The following ANO3 variants were observed in gnomAD, a reference collection of about 807,000 sequenced individuals.
ANO3 encodes anoctamin-3.
Under a neutral mutation model 144.8 loss-of-function variants are expected in ANO3, and 99 were observed. That is an observed-to-expected ratio of 0.68 (90% CI 0.58 to 0.81). The LOEUF is 0.81. Ranked by LOEUF, ANO3 falls within the 30% of genes least tolerant of loss-of-function variation. The pLI, the probability that ANO3 is intolerant of heterozygous loss-of-function variation, is 0.00. For synonymous variants in ANO3, 414 were observed against 392.6 expected (o/e 1.05, Z -0.64); for missense variants, 905 against 1,202.2 (o/e 0.75, Z 3.66).
At chr11:26,306,646 A>G (rs1165555297), upstream of ANO3, among the ~76,000 whole-genome samples, 1 of 152,208 alleles carries the variant, frequency 6.6e-6, no homozygotes, top group African/African-American at 2.4e-5. Flanking sequence ...CCTGGATGAC[A>G]GAGTGAGATC....
chr11:26,365,959 TATATATATATATATATATATA>T, intron 1 of ANO3, among the ~76,000 whole-genome samples: 1 of 452 alleles, frequency 2.2e-3, no homozygotes, highest in African/African-American at 2.7e-3. Flanking sequence ...TTTCTTTATA[TATATATATATATATATATATA>T]TATATATATA....
intron 1 of ANO3, among the ~76,000 whole-genome samples, chr11:26,372,148 G>A (rs1032043728): frequency 5.3e-5 from 8 of 151,832 alleles, no homozygotes; most frequent in Admixed American, 1.3e-4. Context: ...TCATGAGGGT[G>A]GTTTTCCCCA....
rs1260634667 is a variant in ANO3, at chr11:26,443,833, T to G, written c.310T>G (p.Leu104Val). 4 of 1,609,920 alleles carry G rather than the reference T, an allele frequency of 2.5e-6. No homozygotes were observed. Among genetic ancestry groups the G allele is most frequent in the Non-Finnish European group, 3.4e-6 (4 of 1,177,130 alleles). The change falls in exon 3 of 27, where the codon TTG (leucine) becomes GTG (valine). Residue 104 changes from leucine (L) to valine (V), a missense_variant. This residue lies in a region of ANO3 where 174 missense variants were observed against 171.9 expected (regional missense o/e 1.01). Coordinates refer to ENST00000256737, the MANE Select transcript of ANO3 (RefSeq NM_031418.4). ...CSFADLSDFC[L>V]ALGKDKDYTD... ...ATTTGCTGACCTCAGCGATTTTTGTTTGGGTAAGTTGATAATCAGTATTTA... is the reference window on the plus strand; with the variant it reads ...ATTTGCTGACCTCAGCGATTTTTGTGTGGGTAAGTTGATAATCAGTATTTA...
At chr11:26,292,906 G>A (rs1325842297) in intron 1 of ANO3, among the ~76,000 whole-genome samples, 1 of 152,212 alleles carries the variant, frequency 6.6e-6, no homozygotes, top group East Asian at 1.9e-4. Flanking sequence ...GAGGCAGTCT[G>A]TCCGTTCTCA....
intron 14 of ANO3, among the ~76,000 whole-genome samples, chr11:26,580,089 A>G: frequency 8.0e-6 from 1 of 124,894 alleles, no homozygotes; most frequent in African/African-American, 3.0e-5. Flanking sequence ...TCACAAATTT[A>G]TAAATTTTTT....
intron 1 of ANO3, among the ~76,000 whole-genome samples, chr11:26,409,697 T>C (rs1857382129): frequency 2.6e-5 from 4 of 152,044 alleles, no homozygotes; most frequent in Admixed American, 2.6e-4. Flanking sequence ...TCTACTTTTT[T>C]CTTATCAGAT....
chr11:26,190,783 C>A (rs1444830565), intron 1 of ANO3, among the ~76,000 whole-genome samples: 4 of 152,148 alleles, frequency 2.6e-5, no homozygotes, highest in African/African-American at 9.7e-5. Context: ...GAGATGCATA[C>A]TATGAACAGC....
intron 14 of ANO3, among the ~76,000 whole-genome samples, chr11:26,586,072 A>G (rs970220696): frequency 1.3e-5 from 2 of 152,096 alleles, no homozygotes; most frequent in Non-Finnish European, 2.9e-5. Flanking sequence ...CTGCTCTTCT[A>G]CCTCTTCCAT....
At chr11:26,228,474 C>T (rs1852303308) in intron 1 of ANO3, among the ~76,000 whole-genome samples, 2 of 152,172 alleles carry the variant, frequency 1.3e-5, no homozygotes, top group South Asian at 4.1e-4. Context: ...TCAACAAACA[C>T]AAGATAAGTT....
rs1457569110 is a variant in ANO3 at position 26,230,127 on chromosome 11, CAT to C, written c.154+40802_154+40803del. ...CTAAAAGAGCTGCTCTTTCTAGACA[CAT>C]ATATTATAATGAGAAAAATCATGGA... On this transcript the variant is annotated intron_variant, in intron 1 of 27. Transcript: ENST00000672621. Among the ~76,000 whole-genome samples, 23 of 152,114 alleles carry C rather than the reference CAT, an allele frequency of 1.5e-4. 1 individual carries two copies. Among genetic ancestry groups the C allele is most frequent in the Admixed American group, 1.4e-3 (21 of 15,276 alleles).
At chr11:26,273,079 A>G (rs1380202970) in intron 1 of ANO3, among the ~76,000 whole-genome samples, 1 of 152,164 alleles carries the variant, frequency 6.6e-6, no homozygotes, top group Non-Finnish European at 1.5e-5. Flanking sequence ...CAGTGTCTGA[A>G]GGGAAAATAA....
At chr11:26,345,202 G>A (rs10734373) in intron 1 of ANO3, among the ~76,000 whole-genome samples, 150,518 of 152,272 alleles carry the variant, frequency 0.99, 74,416 homozygotes, top group Middle Eastern at 1. Flanking sequence ...AATTGGAATT[G>A]TGACAATCAA....
At chr11:26,584,944 G>A (rs932325568) in intron 14 of ANO3, among the ~76,000 whole-genome samples, 2 of 152,180 alleles carry the variant, frequency 1.3e-5, no homozygotes, top group Non-Finnish European at 2.9e-5. Context: ...GGTGTGAAAA[G>A]TAAATATAAT....
intron 1 of ANO3, among the ~76,000 whole-genome samples, chr11:26,333,154 T>A (rs1015137130): frequency 6.6e-6 from 1 of 152,204 alleles, no homozygotes; most frequent in Middle Eastern, 3.2e-3. Context: ...TAGAGTGCCT[T>A]AGATGTGTGA....
chr11:26,564,720 CACACACACACACAT>C (rs1177163562), intron 14 of ANO3, among the ~76,000 whole-genome samples: 11 of 75,616 alleles, frequency 1.5e-4, no homozygotes, highest in African/African-American at 2.5e-4. Flanking sequence ...CACACACACA[CACACACACACACAT>C]ATATATATAT....
At chr11:26,604,202 G>T (rs892635864) in intron 17 of ANO3, among the ~76,000 whole-genome samples, 3 of 152,106 alleles carry the variant, frequency 2.0e-5, no homozygotes, top group African/African-American at 7.2e-5. Context: ...TGTCAGGTTT[G>T]TTGAAGATCA....
intron 7 of ANO3, among the ~76,000 whole-genome samples, chr11:26,530,188 C>T (rs1409108053): frequency 6.6e-6 from 1 of 152,178 alleles, no homozygotes; most frequent in Non-Finnish European, 1.5e-5. Flanking sequence ...TACAACTCTC[C>T]AGCAAAGTCA....
chr11:26,193,586 C>T (rs1041381854), intron 1 of ANO3, among the ~76,000 whole-genome samples: 12 of 152,138 alleles, frequency 7.9e-5, no homozygotes, highest in East Asian at 3.9e-4. Context: ...AGCAAATATA[C>T]TTATTTATAG....
intron 3 of ANO3, among the ~76,000 whole-genome samples, chr11:26,454,731 G>A (rs1328162552): frequency 6.6e-6 from 1 of 152,018 alleles, no homozygotes; most frequent in Admixed American, 6.6e-5. Flanking sequence ...TATGAGGCCA[G>A]CATCTTCCTG....
Sources: allele counts gnomAD v4.1 joint callset (sites outside exome capture counted in the v4.1 genomes callset), GRCh38; gene constraint gnomAD v4.1.1; regional missense constraint gnomAD v4.1.1; transcripts MANE v1.5; gene names NCBI Gene and HGNC (gene_info 2026-07-23, HGNC 2026-07-21).